Variants in SYNPO2 observed in about 807,000 individuals in gnomAD.
SYNPO2 encodes synaptopodin-2.
In SYNPO2, 56 loss-of-function variants were observed where a neutral mutation model predicts 85.0. The observed-to-expected ratio is 0.66, with a 90% CI of 0.53 to 0.82. The LOEUF (loss-of-function observed/expected upper bound fraction) is 0.82, where lower values mean the gene tolerates loss of function less well. SYNPO2 is among the 40% of genes least tolerant of loss of function. The probability of loss-of-function intolerance (pLI) is 0.00; values close to 1 mark genes in which losing one functional copy is unlikely to be tolerated. For missense variants in SYNPO2, 1,575 were observed against 1,534.2 expected (o/e 1.03, Z -0.44); for synonymous variants, 602 against 591.1 (o/e 1.02, Z -0.27).
intron 1 of SYNPO2, among the ~76,000 whole-genome samples, chr4:118,938,333 CAT>C (rs1177963694): frequency 6.6e-6 from 1 of 152,042 alleles, no homozygotes; most frequent in Non-Finnish European, 1.5e-5. Flanking sequence ...TTAAAGAAAA[CAT>C]ATGTATATTT....
At chr4:119,051,270 A>T (rs1739034092) in intron 4 of SYNPO2, among the ~76,000 whole-genome samples, 1 of 129,838 alleles carries the variant, frequency 7.7e-6, no homozygotes, top group Non-Finnish European at 1.6e-5. Flanking sequence ...GCTCACTGCA[A>T]GCTCCGCCTC....
chr4:118,879,722 C>T (rs1286165769), intron 1 of SYNPO2, among the ~76,000 whole-genome samples: 1 of 152,192 alleles, frequency 6.6e-6, no homozygotes, highest in African/African-American at 2.4e-5. Context: ...AACAGAGCAG[C>T]TGGTCATCAA....
intron 1 of SYNPO2, among the ~76,000 whole-genome samples, chr4:119,018,509 T>A (rs771402243): frequency 6.6e-6 from 1 of 152,136 alleles, no homozygotes; most frequent in Non-Finnish European, 1.5e-5. Context: ...CTGAGGAACC[T>A]CCATATGGTT....
chr4:118,975,043 A>T (rs535866861), intron 1 of SYNPO2, among the ~76,000 whole-genome samples: 1 of 152,168 alleles, frequency 6.6e-6, no homozygotes, highest in South Asian at 2.1e-4. Flanking sequence ...AACTCTTTTC[A>T]ATATGGTTCT....
rs1342222735 is a variant in SYNPO2 at position 119,059,480 on chromosome 4, T to C, written c.*1546T>C. The C allele has an allele frequency of 6.6e-6, 1 of 152,190 alleles. No individual in the cohort carries two copies. The highest frequency in any genetic ancestry group is 1.5e-5 in the Non-Finnish European group (1 of 68,038). 9.4% of individuals were successfully genotyped at this position (152,190 alleles called of 1,614,324 possible). On this transcript the variant is annotated 3_prime_UTR_variant, in exon 5 of 5. Transcript: ENST00000307142. ...ATAATCAGATCAAACACCTGCTCCT[T>C]ATTGCCATACCCACGAACTGTTAAA...
At chr4:118,961,718 C>A (rs1277451803) in intron 1 of SYNPO2, among the ~76,000 whole-genome samples, 1 of 152,220 alleles carries the variant, frequency 6.6e-6, no homozygotes, top group Non-Finnish European at 1.5e-5. Flanking sequence ...ATCTAGACTA[C>A]TACCTGGCCC....
chr4:118,957,478 GTAACC>G (rs1469401972), intron 1 of SYNPO2, among the ~76,000 whole-genome samples: 1 of 152,096 alleles, frequency 6.6e-6, no homozygotes, highest in African/African-American at 2.4e-5. Flanking sequence ...GGAAAGTCAC[GTAACC>G]TCTTCAGACT....
chr4:118,878,989 C>T (rs913729036), intron 1 of SYNPO2, among the ~76,000 whole-genome samples: 1 of 152,200 alleles, frequency 6.6e-6, no homozygotes, highest in Admixed American at 6.5e-5. Flanking sequence ...TCTGTGGCTT[C>T]ACTCCTGAAG....
At chr4:118,891,817 T>C (rs1442190237) in intron 1 of SYNPO2, among the ~76,000 whole-genome samples, 1 of 152,154 alleles carries the variant, frequency 6.6e-6, no homozygotes, top group Non-Finnish European at 1.5e-5. Flanking sequence ...ACAAAATTAA[T>C]TTGGGAGTTG....
At chr4:118,938,030 C>T (rs978848268) in intron 1 of SYNPO2, among the ~76,000 whole-genome samples, 2 of 152,242 alleles carry the variant, frequency 1.3e-5, no homozygotes, top group South Asian at 2.1e-4. Flanking sequence ...GGGCCAGGCA[C>T]GGTGGCTCAC....
At chr4:118,965,044 T>G (rs1735259542) in intron 1 of SYNPO2, among the ~76,000 whole-genome samples, 1 of 152,194 alleles carries the variant, frequency 6.6e-6, no homozygotes, top group Non-Finnish European at 1.5e-5. Context: ...TGCTTTCTAA[T>G]GTACTGTGCA....
rs562308971 is a variant in SYNPO2, at chr4:118,878,862, T to A, written c.12+27922T>A. ...CACCCCAGCCAGCAGAGGCACCCACTCAGGTCCTTTTCTGTCTTGTGGATG... is the reference window on the plus strand; with the variant it reads ...CACCCCAGCCAGCAGAGGCACCCACACAGGTCCTTTTCTGTCTTGTGGATG... On this transcript the variant is annotated intron_variant, in intron 1 of 4. Coordinates refer to the SYNPO2 transcript ENST00000610556. Among the ~76,000 whole-genome samples, 15 of 152,292 alleles carry A rather than the reference T, an allele frequency of 9.8e-5. No homozygotes were observed. In the South Asian group the frequency reaches 2.9e-3, roughly 29 times the overall value.
rs1051070843 is a variant in SYNPO2, at chr4:119,046,253, C to T, written c.3253-11148C>T. On this transcript the variant is annotated intron_variant, in intron 4 of 4. Transcript: ENST00000307142. ...ACAACAAAAGTATATGCACACATTC[C>T]TCCTTCATGTTGGTCTTCTCGACCT... 3.9e-5 allele frequency among the ~76,000 whole-genome samples: 6 copies of T among 152,176 alleles called. No homozygotes were observed. In the South Asian group the frequency reaches 1.0e-3, roughly 26 times the overall value.
intron 1 of SYNPO2, among the ~76,000 whole-genome samples, chr4:119,022,714 ATTTT>A (rs1737779292): frequency 3.0e-5 from 3 of 99,386 alleles, no homozygotes; most frequent in Non-Finnish European, 6.8e-5. Context: ...TTTATATTTT[ATTTT>A]ATTTTAATTT....
chr4:118,973,090 A>C (rs1001391653), intron 1 of SYNPO2, among the ~76,000 whole-genome samples: 1 of 152,178 alleles, frequency 6.6e-6, no homozygotes, highest in Non-Finnish European at 1.5e-5. Context: ...TGTGGGACAT[A>C]GTCCCATTGT....
intron 1 of SYNPO2, among the ~76,000 whole-genome samples, chr4:118,961,081 A>G (rs1316462878): frequency 6.9e-6 from 1 of 145,288 alleles, no homozygotes; most frequent in Non-Finnish European, 1.5e-5. Context: ...GTGGTTCTCA[A>G]CTGGGGGCTA....
chr4:118,993,751 C>T (rs1224744012), intron 1 of SYNPO2, among the ~76,000 whole-genome samples: 6 of 152,162 alleles, frequency 3.9e-5, no homozygotes, highest in Non-Finnish European at 7.3e-5. Context: ...CCATGTTTTT[C>T]CCCCAAATTA....
chr4:118,905,528 C>G (rs748662775), intron 1 of SYNPO2, among the ~76,000 whole-genome samples: 1 of 152,042 alleles, frequency 6.6e-6, no homozygotes. Context: ...TTTCATGGAA[C>G]TGTAAAAACA....
At chr4:118,855,685 T>C (rs1272662910) in intron 1 of SYNPO2, among the ~76,000 whole-genome samples, 1 of 152,130 alleles carries the variant, frequency 6.6e-6, no homozygotes, top group Non-Finnish European at 1.5e-5. Flanking sequence ...TTCAGGAAAA[T>C]GTCAGTGACA....
Sources: gnomAD v4.1 joint callset for allele counts (sites outside exome capture counted in the v4.1 genomes callset) on GRCh38, gnomAD v4.1.1 for gene constraint, MANE v1.5 for transcripts, NCBI Gene and HGNC (gene_info 2026-07-23, HGNC 2026-07-21) for gene names.